Variants in NR1D1 observed in about 807,000 individuals in gnomAD.
The protein encoded by NR1D1 is Rev-ErbAalpha.
NR1D1 carries 17 observed loss-of-function variants against 51.1 expected under a neutral mutation model. That is an observed-to-expected ratio of 0.33 (90% confidence interval 0.23 to 0.50). The LOEUF (loss-of-function observed/expected upper bound fraction) is 0.50. NR1D1 is among the 20% of genes least tolerant of loss of function. The pLI is 0.98. For missense variants in NR1D1, 647 were observed against 830.4 expected (o/e 0.78, Z 2.71); for synonymous variants, 341 against 333.4 (o/e 1.02, Z -0.25).
chr17:40,092,931 A>T lies in NR1D1; in HGVS notation c.*152T>A. On this transcript the variant is annotated 3_prime_UTR_variant, in exon 8 of 8. Coordinates refer to ENST00000246672, the MANE Select transcript of NR1D1 (RefSeq NM_021724.5). ...GGGGAGGGAGGCAGGTATTTACAAG[A>T]AGGCTCAGGGGGCCAGAGGCTCATC... 6.6e-7 allele frequency: 1 copy of T among 1,513,012 alleles called. No homozygotes were observed. The highest frequency in any genetic ancestry group is 8.8e-7 in the Non-Finnish European group (1 of 1,130,214). The allele number at this position is 1,513,012 out of a possible 1,614,324, so 93.7% of individuals were successfully genotyped here.
At position 40,094,887 on chromosome 17, in the gene NR1D1, ACT is replaced by A. The variant is rs1183316320; in HGVS notation, c.1434+46_1434+47del. On this transcript the variant is annotated intron_variant, in intron 6 of 7. Coordinates refer to ENST00000246672, the MANE Select transcript of NR1D1 (RefSeq NM_021724.5). Reference sequence around the variant, plus strand: ...CACTCCAGCCTGGGCGACAAGCGAAACTCTGTCTCAAAAAAAACAAAAACCAG... The same window carrying A: ...CACTCCAGCCTGGGCGACAAGCGAAACTGTCTCAAAAAAAACAAAAACCAG... The A allele has an allele frequency of 1.2e-5, 19 of 1,590,444 alleles. 1 individual carries two copies. The highest frequency in any genetic ancestry group is 5.6e-5 in the South Asian group (5 of 89,598).
At chr17:40,098,979 G>T (rs1987818365) in intron 1 of NR1D1, among the ~76,000 whole-genome samples, 1 of 150,240 alleles carries the variant, frequency 6.7e-6, no homozygotes, top group Non-Finnish European at 1.5e-5. Flanking sequence ...GAAAGGTCAG[G>T]AATGGCTCCA....
In NR1D1 at chr17:40,100,226, A is replaced by G; in HGVS notation, c.-132T>C. The G allele has an allele frequency of 1.3e-6, 1 of 740,810 alleles. No individual in the cohort carries two copies. Among genetic ancestry groups the G allele is most frequent in the Non-Finnish European group, 2.5e-6 (1 of 405,320 alleles). 45.9% of individuals were successfully genotyped at this position (740,810 alleles called of 1,614,324 possible). A position where few individuals can be genotyped will look rare whatever the true frequency, so the allele number is the denominator to read the frequency against. ...CCCGCGACTCACGATCAGGATCCGA[A>G]GCACCCTGCAGCAAGGTCTTGGGGT... On this transcript the variant is annotated 5_prime_UTR_variant, in exon 1 of 8. Coordinates refer to ENST00000246672, the MANE Select transcript of NR1D1 (RefSeq NM_021724.5).
chr17:40,097,544 A>G (rs1359499093), intron 1 of NR1D1, 141 bp from the exon 2 acceptor site: 9 of 690,784 alleles, frequency 1.3e-5, no homozygotes, highest in Non-Finnish European at 2.2e-5. Context: ...CTTGGAGTTA[A>G]TAAGCAATTC....
intron 5 of NR1D1, 99 bp from the exon 6 acceptor site, chr17:40,095,219 G>A: frequency 7.7e-7 from 1 of 1,297,340 alleles, no homozygotes. Context: ...TGGGCTAGGG[G>A]CTGTGGCCCT....
rs762387810 is a variant in NR1D1, at chr17:40,097,138, G to A, written c.297C>T (p.Pro99=). ...CCATGGCCACTTGTAGACTCCCAGGGGGGCTCCCATTATAGAAGGAGGAGG... is the reference window on the plus strand; with the variant it reads ...CCATGGCCACTTGTAGACTCCCAGGAGGGCTCCCATTATAGAAGGAGGAGG... ...SSSSSFYNGS[P]PGSLQVAMED... Residue 99 remains proline, a synonymous_variant, in exon 2 of 8, where the codon CCC becomes CCT. Coordinates refer to ENST00000246672, the MANE Select transcript of NR1D1 (RefSeq NM_021724.5). 4.3e-6 allele frequency: 7 copies of A among 1,611,344 alleles called. No homozygotes were observed. Among genetic ancestry groups the A allele is most frequent in the Admixed American group, 1.7e-5 (1 of 59,634 alleles).
Position 40,100,060 on chromosome 17 carries a change from G to T in NR1D1, c.31+4C>A. On this transcript the variant is annotated splice_donor_region_variant and intron_variant, in intron 1 of 7. Transcript: ENST00000246672. ...AAAAGATGATAGTAAAGAAATCTCA[G>T]TACCTGTGTTGTTGTTGGAGTCCAG... 1 of 1,602,976 alleles carries T rather than the reference G, an allele frequency of 6.2e-7. No homozygotes were observed. The highest frequency in any genetic ancestry group is 8.5e-7 in the Non-Finnish European group (1 of 1,169,782).
At chr17:40,098,968 T>C (rs1473315863) in intron 1 of NR1D1, among the ~76,000 whole-genome samples, 1 of 150,252 alleles carries the variant, frequency 6.7e-6, no homozygotes. Context: ...CAGAAGGCCA[T>C]GAAAGGTCAG....
chr17:40,095,928 G>A lies in NR1D1; in HGVS notation c.764C>T (p.Pro255Leu), dbSNP rs746543775. 4.3e-6 allele frequency: 7 copies of A among 1,611,316 alleles called. No homozygotes were observed. The highest frequency in any genetic ancestry group is 5.9e-6 in the Non-Finnish European group (7 of 1,179,254). The change falls in exon 5 of 8, where the codon CCC (proline) becomes CTC (leucine). Residue 255 changes from proline to leucine, a missense_variant. Coordinates refer to ENST00000246672, the MANE Select transcript of NR1D1 (RefSeq NM_021724.5). ...CAGGGGTGAGGGGACCGGAGCAGGG[G>A]GTGGCGAGGGGCCCATGGGGCCTGG... ...PTPGPMGPSP[P>L]PAPVPSPLVG...
chr17:40,097,920 G>C (rs1360037753), intron 1 of NR1D1, among the ~76,000 whole-genome samples: 3 of 152,196 alleles, frequency 2.0e-5, no homozygotes, highest in African/African-American at 7.2e-5. Flanking sequence ...ATTCCCCCCA[G>C]TTGGGGACAT....
In NR1D1 at chr17:40,097,285, G is replaced by A; in HGVS notation, c.150C>T (p.Thr50=). 6.2e-7 allele frequency: 1 copy of A among 1,613,988 alleles called. No individual in the cohort carries two copies. The highest frequency in any genetic ancestry group is 1.7e-5 in the Admixed American group (1 of 59,996). ...AGCCAGTGGGGGATGGTGGGAAGTA[G>A]GTGGGACAGCCTTGGGTCAGGGACT... is the stretch of plus-strand genomic sequence containing the variant. ...SFQSLTQGCP[T]YFPPSPTGSL... is the part of the protein sequence containing the mutation. The change falls in exon 2 of 8, where the codon ACC becomes ACT. Residue 50 remains threonine (T), a synonymous_variant. Transcript: ENST00000246672.
chr17:40,098,820 A>G (rs1056083978), intron 1 of NR1D1, among the ~76,000 whole-genome samples: 3 of 152,178 alleles, frequency 2.0e-5, no homozygotes, highest in African/African-American at 7.2e-5. Context: ...CTAAGGAGAG[A>G]GAAGCTTGGG....
rs1347585878 is a variant in NR1D1, at chr17:40,100,295, G to A, written c.-201C>T. On this transcript the variant is annotated 5_prime_UTR_variant, in exon 1 of 8. Transcript: ENST00000246672. Reference sequence around the variant, plus strand: ...CAGAAGGGTTGGACGTTGAGGCAACGGAGTTCTGCTTTGCATGGGAAGAGC... The same window carrying A: ...CAGAAGGGTTGGACGTTGAGGCAACAGAGTTCTGCTTTGCATGGGAAGAGC... 2 of 626,390 alleles carry A rather than the reference G, an allele frequency of 3.2e-6. No individual in the cohort carries two copies. Among genetic ancestry groups the A allele is most frequent in the Non-Finnish European group, 2.9e-6 (1 of 349,342 alleles). The allele number at this position is 626,390 out of a possible 1,614,324, so 38.8% of individuals were successfully genotyped here.
chr17:40,096,172 C>A, intron 4 of NR1D1, 85 bp from the exon 5 acceptor site: 3 of 1,529,996 alleles, frequency 2.0e-6, no homozygotes, highest in Non-Finnish European at 8.8e-7. Context: ...AAGGGCAAGG[C>A]CCTGAAGGCT....
chr17:40,100,386 G>A lies in NR1D1; in HGVS notation c.-292C>T. ...GCTAGAAGGTAGCAAGGAGGGTCGG[G>A]TCTCTGCAGTGTACGGGGTGCCTCT... On this transcript the variant is annotated 5_prime_UTR_variant, in exon 1 of 8. Coordinates refer to ENST00000246672, the MANE Select transcript of NR1D1 (RefSeq NM_021724.5). 1 of 572,332 alleles carries A rather than the reference G, an allele frequency of 1.7e-6. No individual in the cohort carries two copies. Among genetic ancestry groups the A allele is most frequent in the Non-Finnish European group, 3.1e-6 (1 of 321,188 alleles). 35.5% of individuals were successfully genotyped at this position (572,332 alleles called of 1,614,324 possible). A position where few individuals can be genotyped will look rare whatever the true frequency, so the allele number is the denominator to read the frequency against.
At position 40,097,348 on chromosome 17, in the gene NR1D1, A is replaced by C. The variant is rs776537038; in HGVS notation, c.87T>G (p.Pro29=). 1 of 1,613,732 alleles carries C rather than the reference A, an allele frequency of 6.2e-7. No individual in the cohort carries two copies. The highest frequency in any genetic ancestry group is 8.5e-7 in the Non-Finnish European group (1 of 1,179,924). Residue 29 remains proline, a synonymous_variant, in exon 2 of 8, where the codon CCT becomes CCG. Transcript: ENST00000246672. ...TGGAGTTGTCACTATAGAGGGATTC[A>C]GGGCTGGTGCGGCTTGGGGAGGAGC... The part of the protein sequence containing the change: ...SSGSSPSRTS[P]ESLYSDNSNG...
rs540261403 is a variant in NR1D1 at position 40,096,061 on chromosome 17, G to T, written c.631C>A (p.Arg211=). 1 of 1,612,726 alleles carries T rather than the reference G, an allele frequency of 6.2e-7. No homozygotes were observed. The highest frequency in any genetic ancestry group is 2.2e-5 in the East Asian group (1 of 44,878). Residue 211 remains arginine, a synonymous_variant, in exon 5 of 8, where the codon CGA becomes AGA. Coordinates refer to ENST00000246672, the MANE Select transcript of NR1D1 (RefSeq NM_021724.5). Reference sequence around the variant, plus strand: ...TCAGCAAGCATCCGCTGCTTCTCTCGTTTGGGGATGCGCCCAAAACGCACA... The same window carrying T: ...TCAGCAAGCATCCGCTGCTTCTCTCTTTTGGGGATGCGCCCAAAACGCACA... The part of the protein sequence containing the change: ...DAVRFGRIPK[R]EKQRMLAEMQ...
rs111528839 is a variant in NR1D1 at position 40,097,200 on chromosome 17, C to T, written c.235G>A (p.Gly79Ser). 42 of 1,611,008 alleles carry T rather than the reference C, an allele frequency of 2.6e-5. No individual in the cohort carries two copies. The African/African-American group carries it at 3.6e-4, about 14-fold the overall frequency. Residue 79 changes from glycine (G) to serine (S), a missense_variant, in exon 2 of 8, where the codon GGC becomes AGC. Coordinates refer to ENST00000246672, the MANE Select transcript of NR1D1 (RefSeq NM_021724.5). ...GAGGAAGATGAGGAAGAAGGGGAGC[C>T]GTCATCACTCAGGCTGGGTGGAATG... ...GSIPPSLSDDGSPSSSSSSSS... is the reference protein window; with the variant it reads ...GSIPPSLSDDSSPSSSSSSSS...
chr17:40,100,122 A>C lies in NR1D1; in HGVS notation c.-28T>G. ...CTTCACCAGCTGAGAGCGGTCATTC[A>C]AACTGGACCTTGACTCAAACTAGAG... On this transcript the variant is annotated 5_prime_UTR_variant, in exon 1 of 8. An upstream open reading frame in the 5' UTR loses its in-frame stop. Coordinates refer to ENST00000246672, the MANE Select transcript of NR1D1 (RefSeq NM_021724.5). The C allele has an allele frequency of 6.3e-7, 1 of 1,595,466 alleles. No individual in the cohort carries two copies. Among genetic ancestry groups the C allele is most frequent in the Non-Finnish European group, 8.6e-7 (1 of 1,163,186 alleles).
Sources: gnomAD v4.1 joint callset for allele counts (sites outside exome capture counted in the v4.1 genomes callset) on GRCh38, gnomAD v4.1.1 for gene constraint, MANE v1.5 for transcripts, NCBI Gene and HGNC (gene_info 2026-07-23, HGNC 2026-07-21) for gene names.